Variants in NSDHL observed in about 807,000 individuals in gnomAD.
The protein encoded by NSDHL is sterol-4-alpha-carboxylate 3-dehydrogenase, decarboxylating.
NSDHL carries 1 observed loss-of-function variant against 23.0 expected under a neutral mutation model. That is an observed-to-expected ratio of 0.04 (90% CI 0.02 to 0.21). NSDHL has a LOEUF of 0.21. Among genes scored for constraint, NSDHL ranks in the 10% least tolerant of loss-of-function variants. NSDHL has a pLI of 1.00. For missense variants in NSDHL, 237 were observed against 300.9 expected (o/e 0.79, Z 1.57); for synonymous variants, 128 against 121.1 (o/e 1.06, Z -0.37).
chrX:152,849,908 A>T lies in NSDHL; in HGVS notation c.109-357A>T, dbSNP rs1054553871. On this transcript the variant is annotated intron_variant, in intron 2 of 7. Transcript: ENST00000370274. ...AAGCGCCCAGGGATCAGCTATCGGG[A>T]ACAAGAAGGTATCACTGTTTTTTGG... 2.7e-5 allele frequency among the ~76,000 whole-genome samples: 3 copies of T among 112,444 alleles called. No individual in the cohort carries two copies. The Admixed American group carries it at 2.8e-4, about 11-fold the overall frequency.
chrX:152,850,654 A>C (rs1196400598), intron 3 of NSDHL, among the ~76,000 whole-genome samples: 2 of 112,751 alleles, frequency 1.8e-5, no homozygotes, highest in Non-Finnish European at 3.7e-5. Context: ...CATGGTCAGC[A>C]CTTAAATGAA....
chrX:152,835,784 G>A (rs1282184989), intron 1 of NSDHL, among the ~76,000 whole-genome samples: 3 of 111,883 alleles, frequency 2.7e-5, no homozygotes, highest in African/African-American at 9.8e-5. Context: ...CTTTATAGTA[G>A]CATGATTTAT....
rs782611086 is a variant in NSDHL at position 152,861,226 on chromosome X, G to A, written c.415-1370G>A. 1.6e-4 allele frequency among the ~76,000 whole-genome samples: 18 copies of A among 113,068 alleles called. No homozygotes were observed. The Admixed American group carries it at 1.7e-3, about 11-fold the overall frequency. On this transcript the variant is annotated intron_variant, in intron 4 of 7. Coordinates refer to ENST00000370274, the MANE Select transcript of NSDHL (RefSeq NM_015922.3). ...CCAGGAATTTATGTTTGCTTATGGT[G>A]TGAGATAGAGATCTAACTTTCTTCC...
In NSDHL at chrX:152,862,647, A is replaced by G; in HGVS notation, c.466A>G (p.Lys156Glu). ...ASVIFEGVDI[K>E]NGTEDLPYAM... ...TGTCATCTTTGAGGGCGTCGATATC[A>G]AGAATGGAACTGAAGACCTTCCCTA... The change falls in exon 5 of 8, where the codon AAG (lysine) becomes GAG (glutamate). Residue 156 changes from lysine to glutamate, a missense_variant. Lys to Glu is a moderately conservative substitution (Grantham distance 56). Around this residue, in one of 3 missense-constraint regions of NSDHL, gnomAD observed 39 missense variants for 98.1 expected, o/e 0.40. Transcript: ENST00000370274. 3.3e-6 allele frequency: 4 copies of G among 1,204,556 alleles called. No homozygotes were observed. The highest frequency in any genetic ancestry group is 1.8e-5 in the South Asian group (1 of 56,822).
intron 1 of NSDHL, among the ~76,000 whole-genome samples, chrX:152,843,699 G>A (rs781941732): frequency 2.7e-5 from 3 of 112,263 alleles, no homozygotes; most frequent in African/African-American, 9.7e-5. Flanking sequence ...TTAAGGCTAC[G>A]GGAGCAGTTA....
intron 2 of NSDHL, among the ~76,000 whole-genome samples, chrX:152,848,736 A>G (rs1441750882): frequency 8.9e-6 from 1 of 112,170 alleles, no homozygotes; most frequent in Non-Finnish European, 1.9e-5. Flanking sequence ...AAACTGCAGA[A>G]ATCCAGGTTG....
chrX:152,862,182 A>G (rs1395229368), intron 4 of NSDHL, among the ~76,000 whole-genome samples: 1 of 112,469 alleles, frequency 8.9e-6, no homozygotes, highest in Admixed American at 9.4e-5. Flanking sequence ...GGTCACTATC[A>G]GAATAGCCAG....
intron 7 of NSDHL, among the ~76,000 whole-genome samples, chrX:152,868,417 G>A (rs1326501345): frequency 1.4e-4 from 16 of 112,025 alleles, no homozygotes; most frequent in African/African-American, 5.2e-4. Context: ...ACAGGCGTGA[G>A]CCACCGCGCC....
intron 1 of NSDHL, among the ~76,000 whole-genome samples, chrX:152,835,325 T>G (rs1268702594): frequency 1.8e-5 from 2 of 109,195 alleles, no homozygotes; most frequent in African/African-American, 6.7e-5. Flanking sequence ...TATTATACTT[T>G]AAGTTCTAGG....
chrX:152,856,024 A>G (rs1201125031), intron 3 of NSDHL, among the ~76,000 whole-genome samples: 1 of 112,226 alleles, frequency 8.9e-6, no homozygotes, highest in African/African-American at 3.2e-5. Context: ...ATTTTTTTAA[A>G]CTTCAGTCTA....
intron 1 of NSDHL, among the ~76,000 whole-genome samples, chrX:152,835,057 T>C (rs1421417568): frequency 1.8e-5 from 2 of 112,029 alleles, no homozygotes; most frequent in Non-Finnish European, 3.8e-5. Flanking sequence ...TGTTCTCTCC[T>C]TTTCCCTCCA....
At chrX:152,861,082 GTGAT>G (rs1556847474) in intron 4 of NSDHL, among the ~76,000 whole-genome samples, 1 of 112,647 alleles carries the variant, frequency 8.9e-6, no homozygotes, top group African/African-American at 3.2e-5. Context: ...AGTGCAGAAA[GTGAT>G]TGCTGTGTTG....
intron 7 of NSDHL, among the ~76,000 whole-genome samples, chrX:152,868,106 A>G (rs1214520851): frequency 9.3e-6 from 1 of 108,089 alleles, no homozygotes; most frequent in Non-Finnish European, 1.9e-5. Flanking sequence ...TAACCTTCAA[A>G]TAAGTTGGGA....
At chrX:152,847,165 T>A (rs1933286344) in intron 2 of NSDHL, among the ~76,000 whole-genome samples, 1 of 111,259 alleles carries the variant, frequency 9.0e-6, no homozygotes, top group African/African-American at 3.3e-5. Context: ...TAGCCAGGCA[T>A]GGTGGCAGAC....
chrX:152,865,751 C>T (rs782411079), intron 5 of NSDHL, 68 bp from the exon 6 acceptor site: 19 of 1,168,574 alleles, frequency 1.6e-5, no homozygotes, highest in Middle Eastern at 2.3e-4. Context: ...TCTCACCCAG[C>T]GAGGCACTCT....
Position 152,869,528 on chromosome X carries a change from C to G in NSDHL, c.*412C>G. ...GCAGACCAATACTAGAGTGAAGCCTCTAGACTTTGTTCAAGATACTCTATC... is the reference window on the plus strand; with the variant it reads ...GCAGACCAATACTAGAGTGAAGCCTGTAGACTTTGTTCAAGATACTCTATC... On this transcript the variant is annotated 3_prime_UTR_variant, in exon 8 of 8. Transcript: ENST00000370274. 1.0e-5 allele frequency: 2 copies of G among 200,652 alleles called. No individual in the cohort carries two copies. Among genetic ancestry groups the G allele is most frequent in the South Asian group, 1.8e-4 (2 of 10,868 alleles). 16.5% of individuals were successfully genotyped at this position (200,652 alleles called of 1,213,427 possible).
chrX:152,854,242 C>T (rs1160604450), intron 3 of NSDHL, among the ~76,000 whole-genome samples: 1 of 110,794 alleles, frequency 9.0e-6, no homozygotes, highest in Non-Finnish European at 1.9e-5. Flanking sequence ...GGAGAAGGGG[C>T]GAGTTGCATT....
At chrX:152,854,967 T>C (rs1448517686) in intron 3 of NSDHL, among the ~76,000 whole-genome samples, 2 of 110,569 alleles carry the variant, frequency 1.8e-5, no homozygotes, top group Non-Finnish European at 3.8e-5. Context: ...GTTATATAGT[T>C]TTATACACAC....
chrX:152,831,152 T>C, intron 1 of NSDHL, 35 bp downstream of exon 1: 1 of 296,125 alleles, frequency 3.4e-6, no homozygotes, highest in Non-Finnish European at 5.9e-6. Context: ...GAGGTCACCC[T>C]GTGTCAGCGA....
Sources: gnomAD v4.1 joint callset for allele counts (sites outside exome capture counted in the v4.1 genomes callset) on GRCh38, gnomAD v4.1.1 for gene constraint, gnomAD v4.1.1 regional missense constraint, MANE v1.5 for transcripts, NCBI Gene and HGNC (gene_info 2026-07-23, HGNC 2026-07-21) for gene names.